The following METTL15 variants were observed in gnomAD, a reference collection of about 807,000 sequenced individuals.
The protein encoded by METTL15 is 12S rRNA N(4)-cytidine methyltransferase METTL15.
METTL15 carries 34 observed loss-of-function variants against 38.3 expected under a neutral mutation model. That is an observed-to-expected ratio of 0.89 (90% confidence interval 0.68 to 1.18). METTL15 has a LOEUF of 1.18. METTL15 is among the 50% of genes most tolerant of loss of function. The probability of loss-of-function intolerance (pLI) is 0.00; values close to 1 mark genes in which losing one functional copy is unlikely to be tolerated. For missense variants in METTL15, 438 were observed against 498.4 expected (o/e 0.88, Z 1.15); for synonymous variants, 162 against 170.9 (o/e 0.95, Z 0.41).
intron 6 of METTL15, among the ~76,000 whole-genome samples, chr11:28,436,856 T>C (rs1487220551): frequency 6.6e-6 from 1 of 152,118 alleles, no homozygotes; most frequent in Non-Finnish European, 1.5e-5. Context: ...TCTATGGGGA[T>C]GTTGTGAAAG....
chr11:28,418,168 GTC>G (rs1850789359), intron 5 of METTL15, among the ~76,000 whole-genome samples: 2 of 152,194 alleles, frequency 1.3e-5, no homozygotes, highest in South Asian at 4.2e-4. Context: ...GCCAGTGTAT[GTC>G]TCTCTGATGA....
At chr11:28,154,338 G>A (rs1040251392) in intron 3 of METTL15, among the ~76,000 whole-genome samples, 13 of 152,094 alleles carry the variant, frequency 8.5e-5, no homozygotes, top group African/African-American at 3.1e-4. Context: ...TTATAGGGTA[G>A]TAAATTCTTG....
At chr11:28,312,968 G>GT (rs377284030) in intron 6 of METTL15, among the ~76,000 whole-genome samples, 148 of 143,282 alleles carry the variant, frequency 1.0e-3, no homozygotes, top group East Asian at 1.2e-3. Flanking sequence ...CATAGGACTT[G>GT]TTTTTTTTTT....
intron 5 of METTL15, among the ~76,000 whole-genome samples, chr11:28,399,580 C>T (rs1200005881): frequency 6.6e-6 from 1 of 151,826 alleles, no homozygotes; most frequent in Non-Finnish European, 1.5e-5. Context: ...ATTTTTATAA[C>T]CTCTAATTCT....
chr11:28,201,275 C>A (rs1456238068), intron 3 of METTL15, among the ~76,000 whole-genome samples: 2 of 152,042 alleles, frequency 1.3e-5, no homozygotes, highest in Non-Finnish European at 2.9e-5. Flanking sequence ...TTTTGGTGTG[C>A]TGCTGGATTT....
chr11:28,219,955 T>G (rs1336534728), intron 4 of METTL15, among the ~76,000 whole-genome samples: 1 of 152,180 alleles, frequency 6.6e-6, no homozygotes, highest in South Asian at 2.1e-4. Flanking sequence ...TTCTTTAACA[T>G]TTGCTGATGA....
intron 6 of METTL15, among the ~76,000 whole-genome samples, chr11:28,307,511 C>A (rs1272111183): frequency 1.3e-5 from 2 of 151,902 alleles, no homozygotes; most frequent in African/African-American, 2.4e-5. Flanking sequence ...TAGGCACTTG[C>A]TATTAGGTAG....
rs965396831 is a variant in METTL15 at position 28,332,869 on chromosome 11, TG to T, written c.*2031del. 2.0e-5 allele frequency: 3 copies of T among 146,368 alleles called. No homozygotes were observed. Among genetic ancestry groups the T allele is most frequent in the Non-Finnish European group, 4.5e-5 (3 of 67,222 alleles). 9.1% of individuals were successfully genotyped at this position (146,368 alleles called of 1,614,324 possible). On this transcript the variant is annotated 3_prime_UTR_variant, in exon 7 of 7. Coordinates refer to ENST00000407364, the MANE Select transcript of METTL15 (RefSeq NM_001113528.2). Reference sequence around the variant, plus strand: ...CTGAGGCACAAGAATCACTCGAACCTGGGAGGTGGAGGTTGCGAGATCACAC... The same window carrying T: ...CTGAGGCACAAGAATCACTCGAACCTGGAGGTGGAGGTTGCGAGATCACAC...
At chr11:28,228,104 A>T (rs907381590) in intron 4 of METTL15, among the ~76,000 whole-genome samples, 1 of 151,916 alleles carries the variant, frequency 6.6e-6, no homozygotes, top group Non-Finnish European at 1.5e-5. Flanking sequence ...GTTCAGTCTT[A>T]CCGTGTTCTC....
intron 5 of METTL15, among the ~76,000 whole-genome samples, chr11:28,362,930 C>G (rs1850152695): frequency 6.6e-6 from 1 of 152,176 alleles, no homozygotes. Context: ...GAGAGATTTT[C>G]AAACTGTTTT....
At chr11:28,203,535 T>C (rs1369263276) in intron 3 of METTL15, among the ~76,000 whole-genome samples, 1 of 152,054 alleles carries the variant, frequency 6.6e-6, no homozygotes. Context: ...GATTATGTAA[T>C]TTCAGTGGGG....
chr11:28,492,224 T>A (rs1209069772), intron 6 of METTL15, among the ~76,000 whole-genome samples: 1 of 152,150 alleles, frequency 6.6e-6, no homozygotes, highest in Non-Finnish European at 1.5e-5. Flanking sequence ...AGAACCACCC[T>A]CTCCATTCTA....
intron 4 of METTL15, among the ~76,000 whole-genome samples, chr11:28,223,287 T>C (rs1400330616): frequency 6.6e-6 from 1 of 152,128 alleles, no homozygotes; most frequent in African/African-American, 2.4e-5. Flanking sequence ...TGTTTACATC[T>C]CTGCATATTT....
intron 6 of METTL15, among the ~76,000 whole-genome samples, chr11:28,329,399 CT>C (rs886761351): frequency 1.3e-5 from 2 of 151,862 alleles, no homozygotes; most frequent in Non-Finnish European, 2.9e-5. Context: ...CTACTTTATT[CT>C]TTTTTTTCTT....
At chr11:28,519,170 A>G (rs892220994) in intron 6 of METTL15, 1 of 152,182 alleles carries the variant, frequency 6.6e-6, no homozygotes, top group Admixed American at 6.5e-5. Context: ...TTCACCTGAG[A>G]TGCTTGTTTA....
intron 3 of METTL15, among the ~76,000 whole-genome samples, chr11:28,345,066 T>C (rs1849984882): frequency 1.3e-5 from 2 of 152,226 alleles, no homozygotes; most frequent in Admixed American, 6.5e-5. Context: ...AAGAACTTAA[T>C]CACTACAGGT....
At chr11:28,110,605 G>T (rs1469699583) in intron 2 of METTL15, among the ~76,000 whole-genome samples, 1 of 152,122 alleles carries the variant, frequency 6.6e-6, no homozygotes, top group Non-Finnish European at 1.5e-5. Flanking sequence ...TAGGCAAAAG[G>T]GTGTATTTTT....
chr11:28,298,187 A>G (rs898461416), intron 6 of METTL15, among the ~76,000 whole-genome samples: 1 of 152,088 alleles, frequency 6.6e-6, no homozygotes, highest in Non-Finnish European at 1.5e-5. Flanking sequence ...GCATGCCGAC[A>G]TTAAAGTCAT....
intron 3 of METTL15, among the ~76,000 whole-genome samples, chr11:28,122,619 T>G (rs1362514677): frequency 6.6e-6 from 1 of 151,556 alleles, no homozygotes; most frequent in African/African-American, 2.4e-5. Context: ...ACTATATAAT[T>G]AGGTTTTCAT....
Sources: allele counts gnomAD v4.1 joint callset (sites outside exome capture counted in the v4.1 genomes callset), GRCh38; gene constraint gnomAD v4.1.1; transcripts MANE v1.5; gene names NCBI Gene and HGNC (gene_info 2026-07-23, HGNC 2026-07-21).